The following NOC4L variants were observed in gnomAD, a reference collection of about 807,000 sequenced individuals.
The protein encoded by NOC4L is nucleolar complex associated 4 homolog.
NOC4L carries 40 observed loss-of-function variants against 62.8 expected under a neutral mutation model. The ratio of observed to expected loss-of-function variants is 0.64; its 90% CI spans 0.49 to 0.83. The LOEUF is 0.83. Among genes scored for constraint, NOC4L ranks in the 40% least tolerant of loss-of-function variants. The pLI is 0.00. For missense variants in NOC4L, 927 were observed against 701.9 expected, an observed-to-expected ratio of 1.32 and a Z score of -3.62; for synonymous variants, 433 against 299.8, an observed-to-expected ratio of 1.44 and a Z score of -4.59.
At chr12:132,146,212 C>T (rs1030444041) in intron 3 of NOC4L, 6 of 455,318 alleles carry the variant, frequency 1.3e-5, no homozygotes, top group African/African-American at 6.0e-5. Context: ...GTGGTTACTT[C>T]CTGGATCAAT....
chr12:132,146,428 G>A (rs562549027), intron 3 of NOC4L: 2 of 442,842 alleles, frequency 4.5e-6, no homozygotes, highest in South Asian at 1.6e-5. Context: ...GACTGTGAAC[G>A]TTCGCGTACA....
Position 132,151,533 on chromosome 12 carries a change from C to T in NOC4L, c.1123C>T (p.Leu375=), listed in dbSNP as rs769411925. The part of the protein sequence containing the change: ...VAAFAKRLAR[L]ALTAPPEALL... ...CGCCTTCGCCAAGCGGCTGGCCCGC[C>T]TGGCCCTGACGGCTCCCCCTGAGGC... Residue 375 remains leucine, a synonymous_variant, in exon 12 of 15, where the codon CTG becomes TTG. Coordinates refer to ENST00000330579, the MANE Select transcript of NOC4L (RefSeq NM_024078.3). The T allele has an allele frequency of 2.5e-5, 40 of 1,608,220 alleles. No homozygotes were observed. Among genetic ancestry groups the T allele is most frequent in the Admixed American group, 5.0e-5 (3 of 59,790 alleles).
chr12:132,145,740 C>G, intron 3 of NOC4L, 75 bp downstream of exon 3: 2 of 1,023,486 alleles, frequency 2.0e-6, no homozygotes, highest in South Asian at 1.5e-5. Context: ...AAGCAGAGGT[C>G]TGGGGCTCCC....
chr12:132,148,461 A>G, intron 7 of NOC4L, 148 bp from the exon 8 acceptor site: 1 of 875,278 alleles, frequency 1.1e-6, no homozygotes, highest in South Asian at 1.6e-5. Context: ...ACCTGACTTG[A>G]ATGGGGACAG....
At chr12:132,145,712 A>G in intron 3 of NOC4L, 47 bp downstream of exon 3, 1 of 1,330,204 alleles carries the variant, frequency 7.5e-7, no homozygotes, top group South Asian at 1.2e-5. Flanking sequence ...CTGCACCCCA[A>G]CTCCCAGGTT....
In NOC4L at chr12:132,151,305, C is replaced by T. The variant is rs1336738193; in HGVS notation, c.1010C>T (p.Ser337Phe). ...AAGCTCTACGGCCTCTTGGACCCCTCTGTCTTTCACGTCAAGTACCGCGCC... is the reference window on the plus strand; with the variant it reads ...AAGCTCTACGGCCTCTTGGACCCCTTTGTCTTTCACGTCAAGTACCGCGCC... Reference protein sequence around the residue: ...YRKLYGLLDPSVFHVKYRARF... With the variant: ...YRKLYGLLDPFVFHVKYRARF... The change falls in exon 11 of 15, where the codon TCT becomes TTT. Residue 337 changes from serine (S) to phenylalanine (F), a missense_variant. Coordinates refer to ENST00000330579, the MANE Select transcript of NOC4L (RefSeq NM_024078.3). 8 of 1,612,026 alleles carry T rather than the reference C, an allele frequency of 5.0e-6. No individual in the cohort carries two copies. The highest frequency in any genetic ancestry group is 3.3e-5 in the South Asian group (3 of 91,086).
chr12:132,151,685 CGGGGGT>C (rs1565962099), intron 12 of NOC4L, 41 bp downstream of exon 12: 24 of 1,611,486 alleles, frequency 1.5e-5, no homozygotes, highest in Non-Finnish European at 2.0e-5. Flanking sequence ...GGAGCTGGGG[CGGGGGT>C]GCCTGGTGCT....
At position 132,145,554 on chromosome 12, in the gene NOC4L, T is replaced by C. The variant is rs779748449; in HGVS notation, c.239-5T>C. On this transcript the variant is annotated splice_region_variant and splice_polypyrimidine_tract_variant and intron_variant, in intron 2 of 14. Coordinates refer to ENST00000330579, the MANE Select transcript of NOC4L (RefSeq NM_024078.3). ...CGTGGGCTGACCACCCTAACCTGTCTGCAGGGTCCCAGGGAGCCACACGGA... is the reference window on the plus strand; with the variant it reads ...CGTGGGCTGACCACCCTAACCTGTCCGCAGGGTCCCAGGGAGCCACACGGA... The C allele has an allele frequency of 6.2e-6, 10 of 1,607,154 alleles. No individual in the cohort carries two copies. In the Admixed American group the frequency reaches 1.7e-4, roughly 27 times the overall value.
chr12:132,152,012 C>A, intron 13 of NOC4L, 72 bp from the exon 14 acceptor site: 1 of 1,438,732 alleles, frequency 7.0e-7, no homozygotes. Flanking sequence ...GTTGGGAGCA[C>A]AGGGAGGCCA....
chr12:132,152,238 G>C (rs1356615086), intron 14 of NOC4L, 41 bp downstream of exon 14: 1 of 1,599,496 alleles, frequency 6.3e-7, no homozygotes, highest in Non-Finnish European at 8.5e-7. Context: ...GGGCCACGGG[G>C]CGCTGAGCCA....
rs763557627 is a variant in NOC4L at position 132,144,591 on chromosome 12, C to T, written c.103C>T (p.Leu35=). The T allele has an allele frequency of 1.3e-6, 2 of 1,520,958 alleles. No individual in the cohort carries two copies. The highest frequency in any genetic ancestry group is 2.0e-5 in the Admixed American group (1 of 49,474). 94.2% of individuals were successfully genotyped at this position (1,520,958 alleles called of 1,614,324 possible). A position where few individuals can be genotyped will look rare whatever the true frequency, so the allele number is the denominator to read the frequency against. Residue 35 remains leucine, a synonymous_variant, in exon 1 of 15, where the codon CTG becomes TTG. Transcript: ENST00000330579. ...TGAGGCCAACGCCGTGTTCGACATCCTGGCCGTGCTGCAGGTGGGCCTGGC... is the reference window on the plus strand; with the variant it reads ...TGAGGCCAACGCCGTGTTCGACATCTTGGCCGTGCTGCAGGTGGGCCTGGC... ...RSEANAVFDI[L]AVLQSEDQEE...
rs1418949172 is a variant in NOC4L at position 132,151,460 on chromosome 12, T to C, written c.1074-24T>C. 1.9e-6 allele frequency: 3 copies of C among 1,599,864 alleles called. No homozygotes were observed. In the Admixed American group the frequency reaches 5.0e-5, roughly 27 times the overall value. On this transcript the variant is annotated intron_variant, in intron 11 of 14. Coordinates refer to ENST00000330579, the MANE Select transcript of NOC4L (RefSeq NM_024078.3). ...GTGGGGGCTAGCAGTCCGGGCCCTG[T>C]CTCACAACCACTGCCCTGCCCAGCC...
At position 132,151,242 on chromosome 12, in the gene NOC4L, T is replaced by TCC. The variant is rs752496309; in HGVS notation, c.963-11_963-10dup. 6.9e-6 allele frequency: 11 copies of TCC among 1,598,308 alleles called. No individual in the cohort carries two copies. In the African/African-American group the frequency reaches 1.3e-4, roughly 19 times the overall value. The stretch of plus-strand genomic sequence containing the variant: ...GGGCCCTGCTCCATCCGCTGCTCCT[T>TCC]CCCCCCGGCCCGCAGGGAGTACCCT... On this transcript the variant is annotated splice_polypyrimidine_tract_variant and intron_variant, in intron 10 of 14. Transcript: ENST00000330579.
In NOC4L at chr12:132,145,701, C is replaced by G. The variant is rs772762356; in HGVS notation, c.345+36C>G. 2.8e-6 allele frequency: 4 copies of G among 1,432,040 alleles called. No individual in the cohort carries two copies. In the African/African-American group the frequency reaches 5.6e-5, roughly 20 times the overall value. The allele number at this position is 1,432,040 out of a possible 1,614,324, so 88.7% of individuals were successfully genotyped here. ...GGGCTGGCCTCATCCTTGTCCATCC[C>G]CTGCACCCCAACTCCCAGGTTATCC... On this transcript the variant is annotated intron_variant, in intron 3 of 14. Coordinates refer to ENST00000330579, the MANE Select transcript of NOC4L (RefSeq NM_024078.3).
intron 10 of NOC4L, 83 bp downstream of exon 10, chr12:132,151,124 G>T: frequency 2.7e-6 from 4 of 1,459,960 alleles, no homozygotes; most frequent in Non-Finnish European, 3.8e-6. Flanking sequence ...GCCCCACGGG[G>T]TCCCCGCTTT....
chr12:132,151,547 T>G lies in NOC4L; in HGVS notation c.1137T>G (p.Ala379=), dbSNP rs761112309. 24 of 1,608,954 alleles carry G rather than the reference T, an allele frequency of 1.5e-5. No individual in the cohort carries two copies. The South Asian group carries it at 2.4e-4, about 16-fold the overall frequency. ...AKRLARLALT[A]PPEALLMVLP... is the part of the protein sequence containing the mutation. Reference sequence around the variant, plus strand: ...GGCTGGCCCGCCTGGCCCTGACGGCTCCCCCTGAGGCCCTGCTCATGGTCC... The same window carrying G: ...GGCTGGCCCGCCTGGCCCTGACGGCGCCCCCTGAGGCCCTGCTCATGGTCC... Residue 379 remains alanine (A), a synonymous_variant, in exon 12 of 15, where the codon GCT becomes GCG. Transcript: ENST00000330579.
intron 2 of NOC4L, 63 bp from the exon 3 acceptor site, chr12:132,145,496 G>A (rs1017187758): frequency 2.7e-6 from 3 of 1,099,422 alleles, no homozygotes; most frequent in Non-Finnish European, 4.1e-6. Context: ...CTGAGATTTT[G>A]GGCTGGGCCC....
At chr12:132,146,332 G>C (rs551028038) in intron 3 of NOC4L, 4 of 455,944 alleles carry the variant, frequency 8.8e-6, no homozygotes, top group African/African-American at 8.0e-5. Flanking sequence ...GTAGCAGCGC[G>C]TCGTATAGCA....
In NOC4L at chr12:132,145,644, C is replaced by T. The variant is rs990301989; in HGVS notation, c.324C>T (p.Gly108=). The T allele has an allele frequency of 1.9e-6, 3 of 1,612,970 alleles. No homozygotes were observed. Among genetic ancestry groups the T allele is most frequent in the Non-Finnish European group, 2.5e-6 (3 of 1,179,518 alleles). The part of the protein sequence containing the change: ...SCCNRLGELL[G]HPSFQVKELA... ...GCAATCGCTTGGGAGAGCTCCTGGGCCACCCCTCCTTTCAGGTCAAGGTGG... is the reference window on the plus strand; with the variant it reads ...GCAATCGCTTGGGAGAGCTCCTGGGTCACCCCTCCTTTCAGGTCAAGGTGG... The change falls in exon 3 of 15, where the codon GGC becomes GGT. Residue 108 remains glycine (G), a synonymous_variant. Coordinates refer to ENST00000330579, the MANE Select transcript of NOC4L (RefSeq NM_024078.3).
Sources: gnomAD v4.1 joint callset for allele counts on GRCh38, gnomAD v4.1.1 for gene constraint, MANE v1.5 for transcripts, NCBI Gene and HGNC (gene_info 2026-07-23, HGNC 2026-07-21) for gene names.